Variants in MREG observed in about 807,000 individuals in gnomAD.
MREG encodes melanoregulin, also known as dilute suppressor protein homolog.
In MREG, 31 loss-of-function variants were observed where a neutral mutation model predicts 28.5. That is an observed-to-expected ratio of 1.09 (90% confidence interval 0.82 to 1.47). MREG has a LOEUF of 1.47. Among genes scored for constraint, MREG ranks in the 40% most tolerant of loss-of-function variants. The probability of loss-of-function intolerance (pLI) is 0.00; values close to 1 mark genes in which losing one functional copy is unlikely to be tolerated. For missense variants in MREG, 256 were observed against 257.4 expected (o/e 0.99, Z 0.04); for synonymous variants, 106 against 95.2 (o/e 1.11, Z -0.66).
At chr2:215,969,166 A>G (rs1693021721) in intron 2 of MREG, among the ~76,000 whole-genome samples, 1 of 152,202 alleles carries the variant, frequency 6.6e-6, no homozygotes, top group African/African-American at 2.4e-5. Context: ...CAGCTTCTCC[A>G]AAGATGTCTC....
intron 1 of MREG, among the ~76,000 whole-genome samples, chr2:216,023,596 G>A (rs1694555993): frequency 6.6e-6 from 1 of 152,096 alleles, no homozygotes; most frequent in Admixed American, 6.5e-5. Flanking sequence ...TAGGCCACTA[G>A]ATATATTTCT....
chr2:215,945,041 G>T, intron 4 of MREG, 44 bp from the exon 5 acceptor site: 1 of 1,518,870 alleles, frequency 6.6e-7, no homozygotes, highest in South Asian at 1.3e-5. Flanking sequence ...GGCAAGATAG[G>T]AACCAAGACA....
chr2:215,948,942 C>G (rs1268792165), intron 2 of MREG, among the ~76,000 whole-genome samples: 1 of 152,060 alleles, frequency 6.6e-6, no homozygotes, highest in Non-Finnish European at 1.5e-5. Context: ...CTGGCTCACA[C>G]CTCTAATCCC....
In MREG at chr2:216,011,009, T is replaced by G. The variant is rs184373915; in HGVS notation, c.95+2224A>C. Among the ~76,000 whole-genome samples, 153 of 148,524 alleles carry G rather than the reference T, an allele frequency of 1.0e-3. 1 individual carries two copies. The highest frequency in any genetic ancestry group is 1.9e-3 in the African/African-American group (76 of 40,050). On this transcript the variant is annotated intron_variant, in intron 1 of 4. Transcript: ENST00000263268. The stretch of plus-strand genomic sequence containing the variant: ...TACTCGGGAGGCTGAGGCAGGAGAA[T>G]GGTGTCAGCCTGGGAGGCGGAGCTT...
chr2:215,946,116 C>A (rs1287222179), intron 3 of MREG, among the ~76,000 whole-genome samples: 2 of 151,966 alleles, frequency 1.3e-5, no homozygotes, highest in African/African-American at 4.8e-5. Flanking sequence ...TCCCTCCAGG[C>A]TGTCCTTCTC....
chr2:215,981,286 G>A (rs564371359), intron 2 of MREG, among the ~76,000 whole-genome samples: 1 of 152,244 alleles, frequency 6.6e-6, no homozygotes, highest in Non-Finnish European at 1.5e-5. Context: ...TGAGTAAACC[G>A]AATGTGGCAT....
chr2:215,999,342 G>C lies in MREG; in HGVS notation c.96-2877C>G, dbSNP rs1009223502. Among the ~76,000 whole-genome samples the C allele has an allele frequency of 1.3e-4, 20 of 152,184 alleles. 1 individual carries two copies. Among genetic ancestry groups the C allele is most frequent in the Middle Eastern group, 6.4e-3 (2 of 314 alleles). On this transcript the variant is annotated intron_variant, in intron 1 of 4. Transcript: ENST00000263268. ...AAGGAAGAACAAGAAGATGGCTTAG[G>C]AGGGTGTCACAATCAACTGTCACAC...
At chr2:215,953,413 A>T (rs1224209458) in intron 2 of MREG, among the ~76,000 whole-genome samples, 2 of 152,238 alleles carry the variant, frequency 1.3e-5, no homozygotes, top group Non-Finnish European at 2.9e-5. Context: ...AAGGGGTTCC[A>T]GGTTTGTGAT....
chr2:216,028,610 A>G (rs904841791), intron 1 of MREG, among the ~76,000 whole-genome samples: 4 of 151,536 alleles, frequency 2.6e-5, no homozygotes, highest in Admixed American at 2.6e-4. Flanking sequence ...ATTTCTAGGC[A>G]GGATTTTAAT....
chr2:216,015,132 CGCGT>C (rs1177511154), upstream of MREG, among the ~76,000 whole-genome samples: 1 of 151,754 alleles, frequency 6.6e-6, no homozygotes, highest in Non-Finnish European at 1.5e-5. Flanking sequence ...TGTGTGTGCG[CGCGT>C]GCGTCTGTGC....
intron 2 of MREG, among the ~76,000 whole-genome samples, chr2:215,947,386 A>G (rs1366874112): frequency 6.6e-6 from 1 of 152,242 alleles, no homozygotes; most frequent in Non-Finnish European, 1.5e-5. Flanking sequence ...CAATTTAGTG[A>G]TCTCACCTGT....
intron 1 of MREG, among the ~76,000 whole-genome samples, chr2:216,012,026 T>C (rs762827970): frequency 2.0e-5 from 3 of 152,192 alleles, no homozygotes; most frequent in Non-Finnish European, 4.4e-5. Context: ...ATATATATAA[T>C]ATACATGAGT....
chr2:215,955,974 G>A (rs1692617285), intron 2 of MREG, among the ~76,000 whole-genome samples: 1 of 152,164 alleles, frequency 6.6e-6, no homozygotes, highest in African/African-American at 2.4e-5. Context: ...TTTTGGAGCT[G>A]ATTTTTATCA....
intron 2 of MREG, among the ~76,000 whole-genome samples, chr2:215,985,910 A>G (rs1693556768): frequency 6.6e-6 from 1 of 152,220 alleles, no homozygotes; most frequent in East Asian, 1.9e-4. Flanking sequence ...TTCCAAAACC[A>G]GAATACTTTT....
chr2:215,982,861 G>A (rs997804051), intron 2 of MREG, among the ~76,000 whole-genome samples: 5 of 152,126 alleles, frequency 3.3e-5, no homozygotes, highest in African/African-American at 4.8e-5. Context: ...TAGGGTTACC[G>A]TGAGGATTCA....
At chr2:215,966,812 G>A (rs1692954033) in intron 2 of MREG, among the ~76,000 whole-genome samples, 1 of 152,082 alleles carries the variant, frequency 6.6e-6, no homozygotes, top group Admixed American at 6.5e-5. Flanking sequence ...ATGTTGGTCA[G>A]GCTGGTCTCG....
rs150081134 is a variant in MREG at position 215,981,214 on chromosome 2, C to A, written c.255+15092G>T. ...GCAGATATTTGTACACCCGTGTTTG[C>A]AACAGCATTACTCACAAGAGCCAAA... On this transcript the variant is annotated intron_variant, in intron 2 of 4. Transcript: ENST00000263268. 4.5e-3 allele frequency among the ~76,000 whole-genome samples: 686 copies of A among 152,240 alleles called. 1 individual carries two copies. Among genetic ancestry groups the A allele is most frequent in the Middle Eastern group, 6.8e-3 (2 of 294 alleles).
At chr2:215,980,737 A>G (rs1209170200) in intron 2 of MREG, among the ~76,000 whole-genome samples, 2 of 152,024 alleles carry the variant, frequency 1.3e-5, no homozygotes, top group Non-Finnish European at 2.9e-5. Context: ...ACTTGAACCC[A>G]GGAGGTGGAA....
At chr2:215,952,586 C>T (rs1692518876) in intron 2 of MREG, among the ~76,000 whole-genome samples, 1 of 152,104 alleles carries the variant, frequency 6.6e-6, no homozygotes, top group Non-Finnish European at 1.5e-5. Flanking sequence ...GGGACTTATA[C>T]ACTTAAAGAA....
Sources: gnomAD v4.1 joint callset for allele counts (sites outside exome capture counted in the v4.1 genomes callset) on GRCh38, gnomAD v4.1.1 for gene constraint, MANE v1.5 for transcripts, NCBI Gene and HGNC (gene_info 2026-07-23, HGNC 2026-07-21) for gene names.